Variants in ARHGAP44 observed in about 807,000 individuals in gnomAD.
The protein encoded by ARHGAP44 is Rho GTPase activating protein 44.
In ARHGAP44, 43 loss-of-function variants were observed where a neutral mutation model predicts 106.8. The observed-to-expected ratio is 0.40, with a 90% CI of 0.32 to 0.52. The LOEUF (loss-of-function observed/expected upper bound fraction) is 0.52. Among genes scored for constraint, ARHGAP44 ranks in the 20% least tolerant of loss-of-function variants. The pLI, the probability that ARHGAP44 is intolerant of heterozygous loss-of-function variation, is 0.48. For synonymous variants in ARHGAP44, 439 were observed against 410.3 expected (o/e 1.07, Z -0.85); for missense variants, 866 against 1,050.5 (o/e 0.82, Z 2.43).
chr17:12,887,039 A>G (rs1242742967), intron 1 of ARHGAP44, among the ~76,000 whole-genome samples: 4 of 135,900 alleles, frequency 2.9e-5, no homozygotes, highest in South Asian at 4.6e-4. Flanking sequence ...ATTAATTGCT[A>G]TGATCGTGTG....
intron 19 of ARHGAP44, among the ~76,000 whole-genome samples, chr17:12,982,318 T>A (rs1204824083): frequency 1.1e-5 from 1 of 88,368 alleles, no homozygotes. Flanking sequence ...TCTTTTTTTT[T>A]AATTTTTTTT....
chr17:12,855,384 C>T (rs2035877957), intron 1 of ARHGAP44, among the ~76,000 whole-genome samples: 1 of 152,176 alleles, frequency 6.6e-6, no homozygotes, highest in Non-Finnish European at 1.5e-5. Context: ...TATCTTGTAG[C>T]AATGTAAGAA....
chr17:12,963,046 CAAAAA>C (rs71369355), intron 16 of ARHGAP44, among the ~76,000 whole-genome samples: 13 of 70,946 alleles, frequency 1.8e-4, no homozygotes, highest in African/African-American at 5.2e-4. Flanking sequence ...AACACCATCT[CAAAAA>C]AAAAAAAAAA....
intron 1 of ARHGAP44, among the ~76,000 whole-genome samples, chr17:12,837,566 G>A (rs1467017870): frequency 6.6e-6 from 1 of 151,844 alleles, no homozygotes. Context: ...AGCCTGAGAG[G>A]AGTAAGAGTA....
chr17:12,837,546 A>C (rs2035271084), intron 1 of ARHGAP44, among the ~76,000 whole-genome samples: 2 of 152,170 alleles, frequency 1.3e-5, no homozygotes, highest in Admixed American at 6.5e-5. Flanking sequence ...AGCAGTGGTC[A>C]CTAGGAATTA....
At chr17:12,885,709 A>AT (rs999741921) in intron 1 of ARHGAP44, among the ~76,000 whole-genome samples, 12 of 151,764 alleles carry the variant, frequency 7.9e-5, no homozygotes, top group East Asian at 3.9e-4. Flanking sequence ...TTTAAATAGG[A>AT]TTTTTTTTCT....
chr17:12,882,681 A>G (rs1248042903), intron 1 of ARHGAP44, among the ~76,000 whole-genome samples: 4 of 152,054 alleles, frequency 2.6e-5, no homozygotes, highest in Admixed American at 6.5e-5. Context: ...CTTTGTCTGC[A>G]TTTTTGAGAT....
At chr17:12,989,101 C>CCCAAAAAAAAAAAAA (rs1598173210) in intron 20 of ARHGAP44, among the ~76,000 whole-genome samples, 5 of 45,160 alleles carry the variant, frequency 1.1e-4, no homozygotes, top group Non-Finnish European at 1.6e-4. Context: ...CCACCCCCCC[C>CCCAAAAAAAAAAAAA]AAAAAAAAAA....
chr17:12,953,516 C>T (rs1403999269), intron 13 of ARHGAP44, among the ~76,000 whole-genome samples: 1 of 152,178 alleles, frequency 6.6e-6, no homozygotes, highest in Non-Finnish European at 1.5e-5. Flanking sequence ...CCAGCAATTC[C>T]ACTTCTGGGT....
chr17:12,945,688 C>G (rs1194009021), intron 10 of ARHGAP44, among the ~76,000 whole-genome samples: 1 of 152,128 alleles, frequency 6.6e-6, no homozygotes, highest in Non-Finnish European at 1.5e-5. Context: ...CCAGCCTGTT[C>G]TAGATGCTGG....
chr17:12,882,048 C>G (rs1012025343), intron 1 of ARHGAP44, among the ~76,000 whole-genome samples: 2 of 151,988 alleles, frequency 1.3e-5, no homozygotes, highest in Non-Finnish European at 2.9e-5. Context: ...TTTTAAAATT[C>G]TTATTGGGAT....
At chr17:12,876,909 CAAAA>C (rs59331390) in intron 1 of ARHGAP44, among the ~76,000 whole-genome samples, 7 of 90,682 alleles carry the variant, frequency 7.7e-5, no homozygotes, top group East Asian at 4.4e-4. Flanking sequence ...GACTCCGTCT[CAAAA>C]AAAAAAAAAA....
intron 1 of ARHGAP44, among the ~76,000 whole-genome samples, chr17:12,814,615 T>G (rs1372343283): frequency 1.3e-5 from 2 of 152,068 alleles, no homozygotes; most frequent in Admixed American, 1.3e-4. Context: ...GAGGCCACCG[T>G]GAAAGACAAG....
chr17:12,903,699 T>C (rs1240312397), intron 3 of ARHGAP44, among the ~76,000 whole-genome samples: 2 of 152,226 alleles, frequency 1.3e-5, no homozygotes, highest in African/African-American at 4.8e-5. Flanking sequence ...ACCCATCACC[T>C]GAGTAGTGTA....
In ARHGAP44 at chr17:12,949,826, C is replaced by A; in HGVS notation, c.1055+96C>A. The A allele has an allele frequency of 8.1e-7, 1 of 1,236,138 alleles. No individual in the cohort carries two copies. The highest frequency in any genetic ancestry group is 1.2e-6 in the Non-Finnish European group (1 of 862,992). The allele number at this position is 1,236,138 out of a possible 1,614,324, so 76.6% of individuals were successfully genotyped here. On this transcript the variant is annotated intron_variant, in intron 12 of 20. Transcript: ENST00000379672. This position sits in a 1 kb window ranked among gnomAD's most constrained non-coding sequence, Gnocchi z 4.1. ...AGCATGTAACCTATGATCTCGCAAC[C>A]CCGTTTCTTGATCTCTGCCATGAAG... is the stretch of plus-strand genomic sequence containing the variant.
chr17:12,910,236 A>C (rs963203201), intron 4 of ARHGAP44, among the ~76,000 whole-genome samples: 3 of 151,594 alleles, frequency 2.0e-5, no homozygotes, highest in Non-Finnish European at 4.4e-5. Flanking sequence ...AGGTAGGAAA[A>C]AGATTGTGTT....
chr17:12,834,979 T>C (rs1456010439), intron 1 of ARHGAP44, among the ~76,000 whole-genome samples: 1 of 152,196 alleles, frequency 6.6e-6, no homozygotes, highest in Non-Finnish European at 1.5e-5. Flanking sequence ...AGTTTTTGGT[T>C]GCTAAGGAGA....
chr17:12,961,588 G>A (rs1032092076), intron 16 of ARHGAP44, among the ~76,000 whole-genome samples: 1 of 152,126 alleles, frequency 6.6e-6, no homozygotes, highest in Non-Finnish European at 1.5e-5. Context: ...TACAAAATTA[G>A]CCCGGTATGA....
At chr17:12,882,173 C>G (rs2036759067) in intron 1 of ARHGAP44, among the ~76,000 whole-genome samples, 1 of 152,090 alleles carries the variant, frequency 6.6e-6, no homozygotes, top group African/African-American at 2.4e-5. Context: ...ATGTCTTTTA[C>G]TAATTTTTAA....
Sources: gnomAD v4.1 joint callset for allele counts (sites outside exome capture counted in the v4.1 genomes callset) on GRCh38, gnomAD v4.1.1 for gene constraint, Gnocchi (gnomAD v3.1) non-coding constraint, MANE v1.5 for transcripts, NCBI Gene and HGNC (gene_info 2026-07-23, HGNC 2026-07-21) for gene names.